Variants in TDRD7 observed in about 807,000 individuals in gnomAD.
TDRD7 encodes the protein tudor domain containing 7.
In TDRD7, 47 loss-of-function variants were observed where a neutral mutation model predicts 109.8. The ratio of observed to expected loss-of-function variants is 0.43; its 90% CI spans 0.34 to 0.55. The LOEUF (loss-of-function observed/expected upper bound fraction) is 0.55. Among genes scored for constraint, TDRD7 ranks in the 20% least tolerant of loss-of-function variants. The probability of loss-of-function intolerance (pLI) is 0.03; values close to 1 mark genes in which losing one functional copy is unlikely to be tolerated. For synonymous variants in TDRD7, 424 were observed against 457.3 expected (o/e 0.93, Z 0.93); for missense variants, 1,164 against 1,319.2 (o/e 0.88, Z 1.82).
At chr9:97,437,120 T>C (rs1296460698) in intron 4 of TDRD7, among the ~76,000 whole-genome samples, 1 of 152,200 alleles carries the variant, frequency 6.6e-6, no homozygotes, top group African/African-American at 2.4e-5. Flanking sequence ...GTGTTACAGA[T>C]TACCCCAAAG....
intron 10 of TDRD7, 102 bp from the exon 11 acceptor site, chr9:97,473,390 A>C (rs1828955233): frequency 6.6e-7 from 1 of 1,508,916 alleles, no homozygotes; most frequent in East Asian, 2.3e-5. Context: ...AGATTTTAAA[A>C]TGCAAAGACT....
intron 8 of TDRD7, among the ~76,000 whole-genome samples, 187 bp downstream of exon 8, chr9:97,465,215 T>C (rs1828801984): frequency 6.6e-6 from 1 of 152,208 alleles, no homozygotes; most frequent in Admixed American, 6.5e-5. Context: ...TCGTGGTAGT[T>C]ATTATTATCT....
chr9:97,470,642 T>A lies in TDRD7; in HGVS notation c.1714T>A (p.Phe572Ile), dbSNP rs747253566. Residue 572 changes from phenylalanine (F) to isoleucine (I), a missense_variant, in exon 9 of 17, where the codon TTT (phenylalanine) becomes ATT (isoleucine). Physicochemically the swap from Phe to Ile is conservative, Grantham distance 21 (BLOSUM62 0). Around this residue, in one of 5 missense-constraint regions of TDRD7, gnomAD observed 261 missense variants for 336.2 expected, o/e 0.78. Transcript: ENST00000355295. ...AAACCCGAAGTTTTGTTCACTCTCA[T>A]TTCAAGCTACAAAATGTAAGCTTGC... ...KLNPKFCSLS[F>I]QATKCKLAGL... The A allele has an allele frequency of 6.2e-7, 1 of 1,613,940 alleles. No individual in the cohort carries two copies. Among genetic ancestry groups the A allele is most frequent in the South Asian group, 1.1e-5 (1 of 91,078 alleles).
intron 11 of TDRD7, among the ~76,000 whole-genome samples, chr9:97,473,878 G>A (rs1358477740): frequency 6.6e-6 from 1 of 152,190 alleles, no homozygotes; most frequent in African/African-American, 2.4e-5. Context: ...TGAGGACACT[G>A]TGCCTGGCAT....
intron 1 of TDRD7, among the ~76,000 whole-genome samples, chr9:97,419,969 A>G (rs888628271): frequency 2.6e-5 from 4 of 152,194 alleles, no homozygotes; most frequent in African/African-American, 7.2e-5. Flanking sequence ...TGAGGATAAT[A>G]GCCTCCCAGC....
chr9:97,459,031 C>A (rs1564205459), intron 6 of TDRD7, among the ~76,000 whole-genome samples: 1 of 152,074 alleles, frequency 6.6e-6, no homozygotes, highest in African/African-American at 2.4e-5. Context: ...GGTTAAATTG[C>A]AGCTAAGGGG....
At chr9:97,442,805 CT>C (rs1828333144) in intron 6 of TDRD7, among the ~76,000 whole-genome samples, 1 of 144,096 alleles carries the variant, frequency 6.9e-6, no homozygotes, top group Non-Finnish European at 1.5e-5. Context: ...TTTTTTTTTT[CT>C]TTTTTTGAGA....
chr9:97,415,802 A>G (rs1188752699), intron 1 of TDRD7, among the ~76,000 whole-genome samples: 1 of 152,202 alleles, frequency 6.6e-6, no homozygotes, highest in African/African-American at 2.4e-5. Context: ...TATGCTTCTA[A>G]TGGATGATGT....
chr9:97,454,796 T>C (rs1828573880), intron 6 of TDRD7, among the ~76,000 whole-genome samples: 1 of 151,536 alleles, frequency 6.6e-6, no homozygotes, highest in Non-Finnish European at 1.5e-5. Flanking sequence ...GCAAACTAAT[T>C]CAAAAGCTTG....
At chr9:97,440,629 G>A (rs1050747925) in intron 5 of TDRD7, among the ~76,000 whole-genome samples, 1 of 152,128 alleles carries the variant, frequency 6.6e-6, no homozygotes, top group African/African-American at 2.4e-5. Flanking sequence ...AGCAGAGTCA[G>A]CGTCCAAGTG....
chr9:97,460,091 A>G, intron 6 of TDRD7, 87 bp from the exon 7 acceptor site: 2 of 1,083,556 alleles, frequency 1.8e-6, no homozygotes, highest in Non-Finnish European at 2.8e-6. Flanking sequence ...AAACAGCATG[A>G]CTCTCAAATT....
intron 6 of TDRD7, among the ~76,000 whole-genome samples, chr9:97,457,673 C>T (rs749158530): frequency 2.0e-5 from 3 of 152,132 alleles, no homozygotes; most frequent in African/African-American, 7.2e-5. Flanking sequence ...CCACTGCACC[C>T]GGCCACACAC....
chr9:97,464,823 C>G lies in TDRD7; in HGVS notation c.1443-19C>G. ...TTCTAGGTTACTTCATTTGCATTCT[C>G]TTCTTTTAACTGATTCAGGTATGTG... On this transcript the variant is annotated intron_variant, in intron 7 of 16. Transcript: ENST00000355295. The G allele has an allele frequency of 6.2e-7, 1 of 1,614,018 alleles. No homozygotes were observed.
Position 97,495,638 on chromosome 9 carries a change from CCTCTTCTTCCT to C in TDRD7, c.3077-18_3077-8del, listed in dbSNP as rs1274210317. ...AAGCTCCTTTGACTCCTCACTGCTC[CCTCTTCTTCCT>C]CTCTTCCTCCTAGGAGTGAAGTGCA... is the stretch of plus-strand genomic sequence containing the variant. On this transcript the variant is annotated splice_polypyrimidine_tract_variant and intron_variant, in intron 16 of 16. Transcript: ENST00000355295. The C allele has an allele frequency of 1.9e-6, 3 of 1,603,644 alleles. No homozygotes were observed. In the Admixed American group the frequency reaches 5.0e-5, roughly 27 times the overall value.
rs1827745568 is a variant in TDRD7, at chr9:97,412,985, G to A, written c.-7+747G>A. Among the ~76,000 whole-genome samples, 1 of 152,072 alleles carries A rather than the reference G, an allele frequency of 6.6e-6. No homozygotes were observed. Among genetic ancestry groups the A allele is most frequent in the Non-Finnish European group, 1.5e-5 (1 of 68,018 alleles). ...GGTATATTTCCATTAATAGCTAAAG[G>A]TACCATTCTCAAATAATTTCTAAGA... On this transcript the variant is annotated intron_variant, in intron 1 of 16. Transcript: ENST00000355295. The surrounding 1 kb of genome is among the most constrained non-coding windows in gnomAD (Gnocchi z 4.3).
chr9:97,455,948 C>A (rs1418280906), intron 6 of TDRD7, among the ~76,000 whole-genome samples: 3 of 152,186 alleles, frequency 2.0e-5, no homozygotes, highest in African/African-American at 7.2e-5. Flanking sequence ...CCAAAAACTT[C>A]TTGAACTGAT....
At chr9:97,425,204 G>A (rs1827966881) in intron 1 of TDRD7, among the ~76,000 whole-genome samples, 1 of 152,098 alleles carries the variant, frequency 6.6e-6, no homozygotes, top group African/African-American at 2.4e-5. Context: ...AACTCAAGAA[G>A]TGCTACATAT....
intron 7 of TDRD7, among the ~76,000 whole-genome samples, chr9:97,463,015 A>G (rs1199741453): frequency 6.6e-6 from 1 of 152,280 alleles, no homozygotes; most frequent in Non-Finnish European, 1.5e-5. Flanking sequence ...TCTAGGTCCC[A>G]GCAAATGGGC....
intron 6 of TDRD7, among the ~76,000 whole-genome samples, chr9:97,444,345 TC>T (rs1828362854): frequency 6.6e-6 from 1 of 152,222 alleles, no homozygotes; most frequent in Non-Finnish European, 1.5e-5. Flanking sequence ...AAAACACCAA[TC>T]ATATTGATGT....
Sources: gnomAD v4.1 joint callset for allele counts (sites outside exome capture counted in the v4.1 genomes callset) on GRCh38, gnomAD v4.1.1 for gene constraint, gnomAD v4.1.1 regional missense constraint, Gnocchi (gnomAD v3.1) non-coding constraint, MANE v1.5 for transcripts, NCBI Gene and HGNC (gene_info 2026-07-23, HGNC 2026-07-21) for gene names.